Variants in HSPG2 observed in about 807,000 individuals in gnomAD.
The protein encoded by HSPG2 is heparan sulfate proteoglycan 2.
In HSPG2, 278 loss-of-function variants were observed where a neutral mutation model predicts 526.6. The observed-to-expected ratio is 0.53, with a 90% CI of 0.48 to 0.58. HSPG2 has a LOEUF of 0.58. HSPG2 is among the 20% of genes least tolerant of loss of function. HSPG2 has a pLI of 0.00. For synonymous variants in HSPG2, 2,465 were observed against 2,555.4 expected, an observed-to-expected ratio of 0.96 and a Z score of 1.07; for missense variants, 5,354 against 6,099.5, an observed-to-expected ratio of 0.88 and a Z score of 4.07.
intron 21 of HSPG2, 132 bp from the exon 22 acceptor site, chr1:21,876,784 C>T (rs1057241996): frequency 5.8e-5 from 70 of 1,215,726 alleles, no homozygotes; most frequent in Middle Eastern, 5.7e-4. Context: ...TGTGGCTGGG[C>T]GCGGTGGCTC....
At chr1:21,846,335 C>T in intron 63 of HSPG2, 80 bp from the exon 64 acceptor site, 1 of 1,608,970 alleles carries the variant, frequency 6.2e-7, no homozygotes, top group South Asian at 1.1e-5. Flanking sequence ...GGTCTAACCT[C>T]TGACACAGGG....
intron 65 of HSPG2, among the ~76,000 whole-genome samples, 162 bp from the exon 66 acceptor site, chr1:21,843,600 G>A (rs2098058636): frequency 6.6e-6 from 1 of 152,154 alleles, no homozygotes. Flanking sequence ...TGTTTATTAT[G>A]ATGGTTTCTC....
In HSPG2 at chr1:21,865,814, A is replaced by G. The variant is rs374114517; in HGVS notation, c.4222-5T>C. 40 of 1,612,046 alleles carry G rather than the reference A, an allele frequency of 2.5e-5. No homozygotes were observed. In the African/African-American group the frequency reaches 4.7e-4, roughly 19 times the overall value. ...CTTCCCACCGTAGGCCGCCACCTGC[A>G]AAGAGGCAAGCCCAGAGGTCACAGG... On this transcript the variant is annotated splice_region_variant and splice_polypyrimidine_tract_variant and intron_variant, in intron 33 of 96. Coordinates refer to ENST00000374695, the MANE Select transcript of HSPG2 (RefSeq NM_005529.7). The surrounding 1 kb of genome is among the most constrained non-coding windows in gnomAD (Gnocchi z 5.4).
At chr1:21,852,373 G>T in intron 52 of HSPG2, 140 bp from the exon 53 acceptor site, 1 of 1,094,752 alleles carries the variant, frequency 9.1e-7, no homozygotes, top group Non-Finnish European at 1.4e-6. Flanking sequence ...TGGACTTGAT[G>T]CCCTCAGCTC....
At position 21,854,754 on chromosome 1, in the gene HSPG2, T is replaced by G; in HGVS notation, c.6145A>C (p.Ser2049Arg). 6.2e-7 allele frequency: 1 copy of G among 1,613,694 alleles called. No homozygotes were observed. The highest frequency in any genetic ancestry group is 8.5e-7 in the Non-Finnish European group (1 of 1,179,842). ...QVVVLSASDA[S>R]PPPVKIESSS... ...GACTCAATCTTGACCGGCGGTGGGC[T>G]GGCATCTGAGGCTGGGGCCAGAGTA... Residue 2049 changes from serine to arginine, a missense_variant, in exon 49 of 97, where the codon AGC (serine) becomes CGC (arginine). Ser to Arg is a moderately radical substitution (Grantham distance 110). Coordinates refer to ENST00000374695, the MANE Select transcript of HSPG2 (RefSeq NM_005529.7).
chr1:21,856,513 G>C (rs1216445566), intron 44 of HSPG2, among the ~76,000 whole-genome samples: 1 of 146,882 alleles, frequency 6.8e-6, no homozygotes, highest in East Asian at 2.1e-4. Context: ...AGCCTCCCGG[G>C]TTCAAGCGAT....
At chr1:21,878,138 T>C (rs375029088) in intron 21 of HSPG2, 48 bp downstream of exon 21, 52 of 1,533,264 alleles carry the variant, frequency 3.4e-5, no homozygotes, top group Non-Finnish European at 4.7e-5. Flanking sequence ...CTCCCAGCTG[T>C]GGTGCTGGGC....
chr1:21,920,101 T>C (rs1643994887), intron 1 of HSPG2, among the ~76,000 whole-genome samples: 1 of 152,182 alleles, frequency 6.6e-6, no homozygotes, highest in Non-Finnish European at 1.5e-5. Flanking sequence ...GAGATGAGGT[T>C]TCACCATGTT....
At chr1:21,915,847 C>T (rs1310574225) in intron 1 of HSPG2, among the ~76,000 whole-genome samples, 3 of 145,690 alleles carry the variant, frequency 2.1e-5, no homozygotes, top group African/African-American at 5.1e-5. Context: ...GTCAGGAGTT[C>T]GAGACCAGCC....
Position 21,885,016 on chromosome 1 carries a change from G to T in HSPG2, c.1352C>A (p.Pro451His), listed in dbSNP as rs770458272. 6.2e-7 allele frequency: 1 copy of T among 1,613,880 alleles called. No homozygotes were observed. The highest frequency in any genetic ancestry group is 1.7e-5 in the Admixed American group (1 of 60,024). Residue 451 changes from proline (P) to histidine (H), a missense_variant, in exon 11 of 97, where the codon CCC (proline) becomes CAC (histidine). Physicochemically the swap from Pro to His is moderately conservative, Grantham distance 77 (BLOSUM62 -2). Coordinates refer to ENST00000374695, the MANE Select transcript of HSPG2 (RefSeq NM_005529.7). ...RLNWGHIPSH[P>H]RVTVTSEGGR... ...CCACCTGGGCCCAGAGCCGCACCTGGGATGAGAGGGGATGTGGCCCCAGTT... is the reference window on the plus strand; with the variant it reads ...CCACCTGGGCCCAGAGCCGCACCTGTGATGAGAGGGGATGTGGCCCCAGTT...
At chr1:21,915,509 G>A (rs774478908) in intron 1 of HSPG2, among the ~76,000 whole-genome samples, 9 of 152,140 alleles carry the variant, frequency 5.9e-5, no homozygotes, top group African/African-American at 1.9e-4. Flanking sequence ...AGAGGCTGCC[G>A]AGAAGAAAGC....
At chr1:21,835,018 C>T (rs1449413523) in intron 76 of HSPG2, 73 bp from the exon 77 acceptor site, 3 of 1,558,148 alleles carry the variant, frequency 1.9e-6, no homozygotes, top group Non-Finnish European at 2.6e-6. Flanking sequence ...CCATAGACTG[C>T]CCAAGGAAAG....
chr1:21,894,972 A>G (rs549675646), intron 3 of HSPG2, among the ~76,000 whole-genome samples: 1 of 152,124 alleles, frequency 6.6e-6, no homozygotes, highest in Non-Finnish European at 1.5e-5. Context: ...TTACCCAGTG[A>G]CCTACCCTCC....
intron 25 of HSPG2, chr1:21,875,317 C>T (rs1640965679): frequency 1.7e-6 from 1 of 594,508 alleles, no homozygotes; most frequent in African/African-American, 1.9e-5. Context: ...AATGACTCTC[C>T]AGAGCTCCCT....
chr1:21,885,292 C>T (rs370685301), intron 10 of HSPG2, 28 bp downstream of exon 10: 98 of 1,613,510 alleles, frequency 6.1e-5, no homozygotes, highest in South Asian at 1.3e-4. Flanking sequence ...GCCCAGGGCC[C>T]GCATCTCGAC....
chr1:21,905,045 C>T (rs930052527), intron 1 of HSPG2, among the ~76,000 whole-genome samples: 1 of 152,144 alleles, frequency 6.6e-6, no homozygotes, highest in Non-Finnish European at 1.5e-5. Context: ...CAACCACGGC[C>T]GCTTCCTGAA....
chr1:21,888,727 G>A (rs771743351), intron 6 of HSPG2: 16 of 1,364,306 alleles, frequency 1.2e-5, no homozygotes, highest in Non-Finnish European at 1.6e-5. Context: ...TGCTGGAAAG[G>A]AAGATGTGAT....
At chr1:21,931,357 G>A (rs750514166) in intron 1 of HSPG2, among the ~76,000 whole-genome samples, 1 of 152,258 alleles carries the variant, frequency 6.6e-6, no homozygotes, top group African/African-American at 2.4e-5. Flanking sequence ...AGCTGGCCCC[G>A]GGAGCAGGAG....
intron 1 of HSPG2, among the ~76,000 whole-genome samples, chr1:21,902,160 C>G (rs1643135081): frequency 6.6e-6 from 1 of 152,096 alleles, no homozygotes; most frequent in Admixed American, 6.5e-5. Context: ...GGCTCAGAGC[C>G]CGACACAAAG....
Sources: allele counts gnomAD v4.1 joint callset (sites outside exome capture counted in the v4.1 genomes callset), GRCh38; gene constraint gnomAD v4.1.1; non-coding constraint Gnocchi (gnomAD v3.1); transcripts MANE v1.5; gene names NCBI Gene and HGNC (gene_info 2026-07-23, HGNC 2026-07-21).